Variants in LRRC63 observed in about 807,000 individuals in gnomAD.
LRRC63 encodes the protein leucine rich repeat containing 63.
In LRRC63, 40 loss-of-function variants were observed where a neutral mutation model predicts 49.5. The ratio of observed to expected loss-of-function variants is 0.81; its 90% CI spans 0.63 to 1.05. The LOEUF (loss-of-function observed/expected upper bound fraction) is 1.05, where lower values mean the gene tolerates loss of function less well. Ranked by LOEUF, LRRC63 falls within the 50% of genes least tolerant of loss-of-function variation. The pLI is 0.00. For synonymous variants in LRRC63, 191 were observed against 221.1 expected, an observed-to-expected ratio of 0.86 and a Z score of 1.21; for missense variants, 636 against 663.1, an observed-to-expected ratio of 0.96 and a Z score of 0.45.
chr13:46,269,288 A>C (rs2138588770), intron 9 of LRRC63, among the ~76,000 whole-genome samples: 1 of 152,232 alleles, frequency 6.6e-6, no homozygotes, highest in South Asian at 2.1e-4. Context: ...AGAAGGTAAT[A>C]AAGGTTGGTA....
At chr13:46,240,964 C>T (rs1594055583) in intron 5 of LRRC63, among the ~76,000 whole-genome samples, 1 of 152,148 alleles carries the variant, frequency 6.6e-6, no homozygotes, top group Non-Finnish European at 1.5e-5. Flanking sequence ...TGACATTCTT[C>T]ACAGAACTAG....
intron 2 of LRRC63, among the ~76,000 whole-genome samples, chr13:46,222,523 T>C (rs2046436110): frequency 6.6e-6 from 1 of 152,188 alleles, no homozygotes; most frequent in Non-Finnish European, 1.5e-5. Context: ...GAGGGTATCC[T>C]CCAGTTAGAA....
chr13:46,268,791 T>G (rs1424365681), intron 9 of LRRC63, among the ~76,000 whole-genome samples: 1 of 150,074 alleles, frequency 6.7e-6, no homozygotes, highest in Non-Finnish European at 1.5e-5. Context: ...AGAAAAGCAG[T>G]TGGAAAATAT....
At chr13:46,274,599 TCAGA>T (rs2047805950) in intron 9 of LRRC63, among the ~76,000 whole-genome samples, 2 of 152,332 alleles carry the variant, frequency 1.3e-5, no homozygotes, top group South Asian at 4.1e-4. Context: ...TTGTATCACC[TCAGA>T]CAGAGAATCC....
At chr13:46,234,166 T>C in intron 4 of LRRC63, 26 bp from the exon 5 acceptor site, 1 of 1,522,010 alleles carries the variant, frequency 6.6e-7, no homozygotes, top group Non-Finnish European at 8.9e-7. Context: ...TTAAATTTTA[T>C]GTTTTGTTTT....
chr13:46,242,570 C>A (rs1429711797), intron 5 of LRRC63, among the ~76,000 whole-genome samples: 1 of 152,028 alleles, frequency 6.6e-6, no homozygotes, highest in African/African-American at 2.4e-5. Flanking sequence ...ACAGGAAATT[C>A]AAAGGTCACC....
intron 2 of LRRC63, among the ~76,000 whole-genome samples, chr13:46,226,941 T>C (rs1594023903): frequency 6.6e-6 from 1 of 152,240 alleles, no homozygotes; most frequent in East Asian, 1.9e-4. Flanking sequence ...GATTCCTGCC[T>C]AAGAATGCAA....
intron 8 of LRRC63, among the ~76,000 whole-genome samples, chr13:46,265,411 T>A (rs141843598): frequency 1.3e-5 from 2 of 152,142 alleles, no homozygotes; most frequent in Admixed American, 6.5e-5. Context: ...TGGGCAGTTA[T>A]AAAAAACAGA....
At chr13:46,276,115 AT>A (rs1159828766) in intron 9 of LRRC63, among the ~76,000 whole-genome samples, 1 of 152,116 alleles carries the variant, frequency 6.6e-6, no homozygotes, top group East Asian at 1.9e-4. Context: ...ATGGATTAAT[AT>A]TTTTTAACTG....
At chr13:46,223,484 G>T (rs73476489) in intron 2 of LRRC63, among the ~76,000 whole-genome samples, 22,014 of 130,922 alleles carry the variant, frequency 0.17, 1,977 homozygotes, top group African/African-American at 0.28. Flanking sequence ...AGTTTTTTTT[G>T]TTTTTTTTTT....
intron 4 of LRRC63, among the ~76,000 whole-genome samples, chr13:46,231,397 G>A (rs1368859677): frequency 6.6e-6 from 1 of 152,174 alleles, no homozygotes; most frequent in African/African-American, 2.4e-5. Flanking sequence ...TGGCTTTTGG[G>A]GAGGCCTCAG....
intron 6 of LRRC63, among the ~76,000 whole-genome samples, chr13:46,248,199 G>C (rs903673042): frequency 1.3e-5 from 2 of 151,970 alleles, no homozygotes; most frequent in African/African-American, 4.8e-5. Flanking sequence ...AAAAAAGGCA[G>C]TAGAGGAAGA....
At chr13:46,262,018 A>T in intron 8 of LRRC63, 26 bp downstream of exon 8, 1 of 695,442 alleles carries the variant, frequency 1.4e-6, no homozygotes, top group Non-Finnish European at 2.1e-6. Flanking sequence ...ACAGAAAGTT[A>T]TATGCCCCTT....
chr13:46,265,771 C>T (rs570484177), intron 8 of LRRC63, among the ~76,000 whole-genome samples: 1 of 152,340 alleles, frequency 6.6e-6, no homozygotes, highest in South Asian at 2.1e-4. Context: ...ACCATGCCAG[C>T]TCTCTCATTC....
intron 6 of LRRC63, among the ~76,000 whole-genome samples, chr13:46,246,878 A>T (rs1251575500): frequency 1.3e-5 from 2 of 152,154 alleles, no homozygotes; most frequent in Non-Finnish European, 2.9e-5. Flanking sequence ...TCTATAATGT[A>T]TATTAAATAT....
chr13:46,234,265 A>C (rs1421757325), exon 5 of LRRC63: 1 of 1,550,326 alleles, frequency 6.5e-7, no homozygotes. Flanking sequence ...CTGTTGCAGC[A>C]ACACGATATG....
intron 8 of LRRC63, 116 bp downstream of exon 8, chr13:46,262,108 A>G: frequency 2.8e-6 from 1 of 362,082 alleles, no homozygotes; most frequent in Non-Finnish European, 4.9e-6. Flanking sequence ...TAATCTGTGA[A>G]GTACAAAGTT....
At chr13:46,250,531 T>A in intron 7 of LRRC63, 40 bp downstream of exon 7, 1 of 1,429,128 alleles carries the variant, frequency 7.0e-7, no homozygotes, top group Non-Finnish European at 9.3e-7. Flanking sequence ...CAGAAAATAA[T>A]TCATAATTTC....
chr13:46,270,606 C>A (rs751954908), intron 9 of LRRC63: 3 of 843,960 alleles, frequency 3.6e-6, no homozygotes, highest in Non-Finnish European at 6.2e-6. Flanking sequence ...ATTAATGCCA[C>A]AACAGTGACG....
Sources: allele counts gnomAD v4.1 joint callset (sites outside exome capture counted in the v4.1 genomes callset), GRCh38; gene constraint gnomAD v4.1.1; transcripts MANE v1.5; gene names NCBI Gene and HGNC (gene_info 2026-07-23, HGNC 2026-07-21).